DNAJC1: variants seen among roughly 807,000 people sequenced by gnomAD.
The protein encoded by DNAJC1 is dnaJ homolog subfamily C member 1.
Under a neutral mutation model 76.6 loss-of-function variants are expected in DNAJC1, and 58 were observed. The ratio of observed to expected loss-of-function variants is 0.76; its 90% CI spans 0.61 to 0.94. The LOEUF is 0.94. DNAJC1 is among the 40% of genes least tolerant of loss of function. DNAJC1 has a pLI of 0.00. For synonymous variants in DNAJC1, 258 were observed against 267.9 expected, an observed-to-expected ratio of 0.96 and a Z score of 0.36; for missense variants, 689 against 677.3, an observed-to-expected ratio of 1.02 and a Z score of -0.19.
At chr10:21,770,784 T>C (rs975362105) in intron 9 of DNAJC1, among the ~76,000 whole-genome samples, 13 of 152,296 alleles carry the variant, frequency 8.5e-5, no homozygotes, top group African/African-American at 3.1e-4. Flanking sequence ...ATTCTTTGGG[T>C]TGCTTTTTCA....
chr10:21,906,101 TA>T (rs1253205020), intron 6 of DNAJC1, among the ~76,000 whole-genome samples: 1 of 152,134 alleles, frequency 6.6e-6, no homozygotes, highest in Admixed American at 6.5e-5. Context: ...TTGGTATTCC[TA>T]AAATCATTGA....
Position 21,904,508 on chromosome 10 carries a change from T to C in DNAJC1, c.820+14A>G. 1 of 1,473,550 alleles carries C rather than the reference T, an allele frequency of 6.8e-7. No homozygotes were observed. Among genetic ancestry groups the C allele is most frequent in the Non-Finnish European group, 9.2e-7 (1 of 1,085,156 alleles). 91.3% of individuals were successfully genotyped at this position (1,473,550 alleles called of 1,614,324 possible). A position where few individuals can be genotyped will look rare whatever the true frequency, so the allele number is the denominator to read the frequency against. The stretch of plus-strand genomic sequence containing the variant: ...TTATATGACATTGTTAAAACACTAA[T>C]GTTTAAAACTCACTTTGAAGTGTTT... On this transcript the variant is annotated intron_variant, in intron 7 of 11. Coordinates refer to ENST00000376980, the MANE Select transcript of DNAJC1 (RefSeq NM_022365.4).
Position 21,952,261 on chromosome 10 carries a change from T to C in DNAJC1, c.223-23120A>G, listed in dbSNP as rs527956372. Among the ~76,000 whole-genome samples, 5 of 152,364 alleles carry C rather than the reference T, an allele frequency of 3.3e-5. No individual in the cohort carries two copies. In the South Asian group the frequency reaches 1.0e-3, roughly 32 times the overall value. On this transcript the variant is annotated intron_variant, in intron 1 of 11. Coordinates refer to ENST00000376980, the MANE Select transcript of DNAJC1 (RefSeq NM_022365.4). ...CATATAATTTTTCAGTTATACCTTTTTTCAACATAAAACAATTATTATCTC... is the reference window on the plus strand; with the variant it reads ...CATATAATTTTTCAGTTATACCTTTCTTCAACATAAAACAATTATTATCTC...
chr10:21,759,748 C>T (rs779093045), intron 10 of DNAJC1, 130 bp from the exon 11 acceptor site: 7 of 745,616 alleles, frequency 9.4e-6, no homozygotes, highest in Non-Finnish European at 1.5e-5. Flanking sequence ...ATTTCATTTC[C>T]ACACTACTCT....
chr10:21,861,180 C>G (rs927282630), intron 8 of DNAJC1, among the ~76,000 whole-genome samples: 1 of 152,024 alleles, frequency 6.6e-6, no homozygotes, highest in Non-Finnish European at 1.5e-5. Context: ...GATTCTAAGC[C>G]CATTGCATTT....
chr10:21,942,770 C>G (rs1417922141), intron 1 of DNAJC1, among the ~76,000 whole-genome samples: 2 of 142,424 alleles, frequency 1.4e-5, no homozygotes, highest in Non-Finnish European at 3.0e-5. Flanking sequence ...TGTGCCACTG[C>G]ACTCCAGCCT....
chr10:21,876,468 T>C (rs900522529), intron 8 of DNAJC1, among the ~76,000 whole-genome samples: 7 of 152,176 alleles, frequency 4.6e-5, no homozygotes, highest in African/African-American at 1.2e-4. Flanking sequence ...TTAGAGTCAA[T>C]ACAATTTGAA....
chr10:21,792,696 T>A (rs1233742471), intron 9 of DNAJC1, among the ~76,000 whole-genome samples: 1 of 150,996 alleles, frequency 6.6e-6, no homozygotes, highest in Non-Finnish European at 1.5e-5. Flanking sequence ...GAGGCAGAGG[T>A]TGCAGTGAGC....
chr10:22,003,479 C>G lies in DNAJC1; in HGVS notation c.-45G>C. The G allele has an allele frequency of 1.5e-6, 2 of 1,324,340 alleles. No homozygotes were observed. The highest frequency in any genetic ancestry group is 4.3e-5 in the South Asian group (2 of 46,336). The allele number at this position is 1,324,340 out of a possible 1,614,324, so 82.0% of individuals were successfully genotyped here. On this transcript the variant is annotated 5_prime_UTR_variant, in exon 1 of 12. Coordinates refer to ENST00000376980, the MANE Select transcript of DNAJC1 (RefSeq NM_022365.4). The stretch of plus-strand genomic sequence containing the variant: ...TCACCCGCCGCGCAGCTCCGTTGGC[C>G]GAGAGCTGGGACGTGGCGGGCGGCG...
rs1285012178 is a variant in DNAJC1 at position 21,759,684 on chromosome 10, C to G, written c.1148-66G>C. The G allele has an allele frequency of 2.7e-6, 4 of 1,501,064 alleles. No homozygotes were observed. The East Asian group carries it at 9.1e-5, about 34-fold the overall frequency. 93.0% of individuals were successfully genotyped at this position (1,501,064 alleles called of 1,614,324 possible). On this transcript the variant is annotated intron_variant, in intron 10 of 11. Coordinates refer to ENST00000376980, the MANE Select transcript of DNAJC1 (RefSeq NM_022365.4). Reference sequence around the variant, plus strand: ...TGAATTAAGGAGACGGTGAGAACAGCAGCTGCCGGGCACAGAGCAGGCAGC... The same window carrying G: ...TGAATTAAGGAGACGGTGAGAACAGGAGCTGCCGGGCACAGAGCAGGCAGC...
At chr10:21,812,708 C>T (rs141226847) in intron 8 of DNAJC1, among the ~76,000 whole-genome samples, 69 of 152,228 alleles carry the variant, frequency 4.5e-4, no homozygotes, top group African/African-American at 1.5e-3. Flanking sequence ...TGAGCCACCA[C>T]TCCTGGACCT....
chr10:21,965,329 A>G (rs755030608), intron 1 of DNAJC1, among the ~76,000 whole-genome samples: 22 of 152,230 alleles, frequency 1.4e-4, no homozygotes, highest in Non-Finnish European at 3.1e-4. Context: ...AATTGTGAAT[A>G]TAGTACAGTT....
rs369510005 is a variant in DNAJC1 at position 21,953,063 on chromosome 10, C to T, written c.223-23922G>A. Among the ~76,000 whole-genome samples the T allele has an allele frequency of 4.9e-4, 75 of 152,090 alleles. 1 individual carries two copies. The South Asian group carries it at 0.014, about 29-fold the overall frequency. On this transcript the variant is annotated intron_variant, in intron 1 of 11. Coordinates refer to ENST00000376980, the MANE Select transcript of DNAJC1 (RefSeq NM_022365.4). Reference sequence around the variant, plus strand: ...CCCTTCAATATATAGTGATAACAGACTCTCTTGACTGTAAAAGGAAAACAT... The same window carrying T: ...CCCTTCAATATATAGTGATAACAGATTCTCTTGACTGTAAAAGGAAAACAT...
chr10:21,917,287 T>G (rs768704270), intron 6 of DNAJC1, among the ~76,000 whole-genome samples: 5 of 152,112 alleles, frequency 3.3e-5, no homozygotes, highest in African/African-American at 4.8e-5. Flanking sequence ...ATCTAAGCCA[T>G]AACAATATGT....
chr10:21,961,430 A>G (rs1837788717), intron 1 of DNAJC1, among the ~76,000 whole-genome samples: 1 of 152,226 alleles, frequency 6.6e-6, no homozygotes, highest in Non-Finnish European at 1.5e-5. Flanking sequence ...TACAGCAAAG[A>G]TGAACCTTGA....
intron 9 of DNAJC1, among the ~76,000 whole-genome samples, chr10:21,780,334 G>A (rs1009151296): frequency 6.6e-6 from 1 of 152,170 alleles, no homozygotes; most frequent in African/African-American, 2.4e-5. Flanking sequence ...AATGTTAAGG[G>A]CAACCAGAGA....
At chr10:21,785,058 G>T (rs950760226) in intron 9 of DNAJC1, among the ~76,000 whole-genome samples, 1 of 151,206 alleles carries the variant, frequency 6.6e-6, no homozygotes, top group African/African-American at 2.4e-5. Context: ...AATAATAAAA[G>T]AAAAAAGAAA....
intron 6 of DNAJC1, among the ~76,000 whole-genome samples, chr10:21,916,411 C>G (rs1304473265): frequency 6.6e-6 from 1 of 152,130 alleles, no homozygotes; most frequent in Non-Finnish European, 1.5e-5. Flanking sequence ...ATGGCGTGAA[C>G]CCGGGAGGCG....
At chr10:21,889,700 C>T (rs1290864062) in intron 7 of DNAJC1, among the ~76,000 whole-genome samples, 2 of 151,964 alleles carry the variant, frequency 1.3e-5, no homozygotes, top group Non-Finnish European at 2.9e-5. Flanking sequence ...AACTAGCAAC[C>T]CAGAAACACT....
Sources: gnomAD v4.1 joint callset for allele counts (sites outside exome capture counted in the v4.1 genomes callset) on GRCh38, gnomAD v4.1.1 for gene constraint, MANE v1.5 for transcripts, NCBI Gene and HGNC (gene_info 2026-07-23, HGNC 2026-07-21) for gene names.